The following PAMR1 variants were observed in gnomAD, a reference collection of about 807,000 sequenced individuals.
The protein encoded by PAMR1 is peptidase domain containing associated with muscle regeneration 1, also known as inactive serine protease PAMR1.
PAMR1 carries 88 observed loss-of-function variants against 81.8 expected under a neutral mutation model. The ratio of observed to expected loss-of-function variants is 1.08; its 90% confidence interval spans 0.91 to 1.28. PAMR1 has a LOEUF of 1.28. Ranked by LOEUF, PAMR1 falls within the 50% of genes most tolerant of loss-of-function variation. The pLI is 0.00. For missense variants in PAMR1, 935 were observed against 919.7 expected (o/e 1.02, Z -0.21); for synonymous variants, 336 against 345.3 (o/e 0.97, Z 0.30).
intron 3 of PAMR1, among the ~76,000 whole-genome samples, chr11:35,490,780 T>C (rs1303057572): frequency 1.3e-5 from 2 of 152,248 alleles, no homozygotes; most frequent in Admixed American, 1.3e-4. Context: ...ACACATTATC[T>C]CATTTAATCC....
At chr11:35,471,859 TCTC>T (rs1850194258) in intron 4 of PAMR1, among the ~76,000 whole-genome samples, 1 of 152,082 alleles carries the variant, frequency 6.6e-6, no homozygotes, top group East Asian at 1.9e-4. Flanking sequence ...GTCTGTACCT[TCTC>T]CTCCACACTC....
At chr11:35,512,469 C>A (rs986212915) in intron 1 of PAMR1, among the ~76,000 whole-genome samples, 1 of 152,144 alleles carries the variant, frequency 6.6e-6, no homozygotes, top group Non-Finnish European at 1.5e-5. Flanking sequence ...CTTTCCAACA[C>A]AATAATTGGT....
intron 3 of PAMR1, among the ~76,000 whole-genome samples, chr11:35,490,143 T>A (rs1055047650): frequency 1.3e-5 from 2 of 152,172 alleles, no homozygotes; most frequent in African/African-American, 4.8e-5. Context: ...TATAAAACCA[T>A]CAGATCTCCT....
intron 3 of PAMR1, among the ~76,000 whole-genome samples, chr11:35,479,252 A>G (rs1163953421): frequency 6.6e-6 from 1 of 152,220 alleles, no homozygotes; most frequent in African/African-American, 2.4e-5. Context: ...CCTCCTTCAA[A>G]GATGACACAG....
intron 6 of PAMR1, among the ~76,000 whole-genome samples, chr11:35,459,800 G>T (rs1006983591): frequency 6.6e-6 from 1 of 152,202 alleles, no homozygotes; most frequent in Non-Finnish European, 1.5e-5. Flanking sequence ...AAAGGGCTAA[G>T]ATTGGAATTG....
At chr11:35,448,641 C>T (rs1282673580) in intron 6 of PAMR1, among the ~76,000 whole-genome samples, 2 of 152,220 alleles carry the variant, frequency 1.3e-5, no homozygotes, top group East Asian at 1.9e-4. Context: ...CTACTTCTGT[C>T]AATTAATCCA....
intron 6 of PAMR1, among the ~76,000 whole-genome samples, chr11:35,461,974 G>T (rs7130305): frequency 0.38 from 57,601 of 151,668 alleles, 11,520 homozygotes; most frequent in African/African-American, 0.51. Context: ...GACAGATTGA[G>T]CCTTTGTTTT....
chr11:35,519,179 A>G (rs1007694435), intron 1 of PAMR1, among the ~76,000 whole-genome samples: 9 of 152,206 alleles, frequency 5.9e-5, no homozygotes, highest in African/African-American at 2.2e-4. Flanking sequence ...CATAAGATCC[A>G]GGACACTGGT....
Position 35,434,513 on chromosome 11 carries a change from T to C in PAMR1, c.1625A>G (p.Gln542Arg), listed in dbSNP as rs61736408. ...TTCCAAGTGCAAGCCCTCTCTTACC[T>C]GTAGGCTCTGGATGGTCTTCTCATC... ...DRDEKTIQSL[Q>R]ISAIILHPNY... The change falls in exon 10 of 11, where the codon CAG becomes CGG. Residue 542 changes from glutamine (Q) to arginine (R), a missense_variant and splice_region_variant. Transcript: ENST00000619888. 0.14 allele frequency: 233,655 copies of C among 1,612,370 alleles called. 19,681 individuals are homozygous for C. The highest frequency in any genetic ancestry group is 0.32 in the African/African-American group (24,293 of 74,774).
intron 6 of PAMR1, among the ~76,000 whole-genome samples, chr11:35,466,864 A>G (rs1283554510): frequency 6.6e-6 from 1 of 152,040 alleles, no homozygotes; most frequent in African/African-American, 2.4e-5. Context: ...TGACTGTAGT[A>G]GATATTGTTG....
intron 2 of PAMR1, 23 bp downstream of exon 2, chr11:35,494,073 G>T (rs1184933107): frequency 6.2e-7 from 1 of 1,604,448 alleles, no homozygotes; most frequent in Non-Finnish European, 8.5e-7. Flanking sequence ...AAGGCAACCT[G>T]AAGTCTCCCA....
At chr11:35,457,150 G>T (rs1413196755) in intron 6 of PAMR1, among the ~76,000 whole-genome samples, 1 of 152,178 alleles carries the variant, frequency 6.6e-6, no homozygotes, top group Non-Finnish European at 1.5e-5. Flanking sequence ...GTCTGTGAGG[G>T]TGTTTCTGGA....
intron 6 of PAMR1, among the ~76,000 whole-genome samples, chr11:35,455,315 A>G (rs752845326): frequency 5.9e-5 from 9 of 152,230 alleles, no homozygotes; most frequent in Non-Finnish European, 1.3e-4. Context: ...AGTAAAATCA[A>G]TAATATTAAA....
rs115105513 is a variant in PAMR1 at position 35,471,857 on chromosome 11, C to T, written c.495-1039G>A. 3.3e-3 allele frequency among the ~76,000 whole-genome samples: 498 copies of T among 152,256 alleles called. 2 individuals are homozygous for T. Among genetic ancestry groups the T allele is most frequent in the African/African-American group, 0.012 (480 of 41,534 alleles). On this transcript the variant is annotated intron_variant, in intron 4 of 10. Coordinates refer to ENST00000619888, the MANE Select transcript of PAMR1 (RefSeq NM_001001991.3). The stretch of plus-strand genomic sequence containing the variant: ...AAGTTCACAAAATGTATGTCTGTAC[C>T]TTCTCCTCCACACTCTGGAGAAAAA...
chr11:35,461,315 T>G (rs1432850783), intron 6 of PAMR1, among the ~76,000 whole-genome samples: 1 of 152,210 alleles, frequency 6.6e-6, no homozygotes, highest in East Asian at 1.9e-4. Flanking sequence ...GGTGCTCTGT[T>G]CCCAGCTCTT....
intron 1 of PAMR1, among the ~76,000 whole-genome samples, chr11:35,494,513 T>C (rs1428385291): frequency 6.6e-6 from 1 of 152,174 alleles, no homozygotes; most frequent in Admixed American, 6.5e-5. Flanking sequence ...TTTTGTATTT[T>C]TAGTAGAGAC....
chr11:35,438,708 A>G lies in PAMR1; in HGVS notation c.1100+919T>C, dbSNP rs79641269. Among the ~76,000 whole-genome samples, 771 of 152,338 alleles carry G rather than the reference A, an allele frequency of 5.1e-3. 5 individuals are homozygous for G. Among genetic ancestry groups the G allele is most frequent in the African/African-American group, 0.018 (732 of 41,572 alleles). On this transcript the variant is annotated intron_variant, in intron 8 of 10. Transcript: ENST00000619888. ...TTTGGGGAGGGTGAGGTTGACAGAA[A>G]TTGAACAAATAAACCCTTAAAAATA... is the stretch of plus-strand genomic sequence containing the variant.
chr11:35,463,169 G>A (rs372966862), intron 6 of PAMR1, among the ~76,000 whole-genome samples: 17 of 152,146 alleles, frequency 1.1e-4, no homozygotes, highest in African/African-American at 3.9e-4. Flanking sequence ...TGAGAAGCGC[G>A]GGTCTCCCCT....
chr11:35,492,135 C>G lies in PAMR1; in HGVS notation c.289G>C (p.Gly97Arg). ...TCATCCAAGGTACCCCCCCATGAGCCATTTCGGCAGCTCTTGCAGTTTTCA... is the reference window on the plus strand; with the variant it reads ...TCATCCAAGGTACCCCCCCATGAGCGATTTCGGCAGCTCTTGCAGTTTTCA... ...IFENCKSCRN[G>R]SWGGTLDDFY... The change falls in exon 3 of 11, where the codon GGC becomes CGC. Residue 97 changes from glycine to arginine, a missense_variant. Gly to Arg is a moderately radical substitution (Grantham distance 125). Transcript: ENST00000619888. 1.2e-6 allele frequency: 2 copies of G among 1,614,152 alleles called. No individual in the cohort carries two copies. The highest frequency in any genetic ancestry group is 1.7e-6 in the Non-Finnish European group (2 of 1,180,014).
Sources: allele counts gnomAD v4.1 joint callset (sites outside exome capture counted in the v4.1 genomes callset), GRCh38; gene constraint gnomAD v4.1.1; transcripts MANE v1.5; gene names NCBI Gene and HGNC (gene_info 2026-07-23, HGNC 2026-07-21).